Variants in NDST4 observed in about 807,000 individuals in gnomAD.
The protein encoded by NDST4 is N-deacetylase and N-sulfotransferase 4.
Under a neutral mutation model 100.8 loss-of-function variants are expected in NDST4, and 63 were observed. That is an observed-to-expected ratio of 0.62 (90% CI 0.51 to 0.77). The LOEUF (loss-of-function observed/expected upper bound fraction) is 0.77. Ranked by LOEUF, NDST4 falls within the 30% of genes least tolerant of loss-of-function variation. The pLI, the probability that NDST4 is intolerant of heterozygous loss-of-function variation, is 0.00. For synonymous variants in NDST4, 377 were observed against 361.8 expected (o/e 1.04, Z -0.48); for missense variants, 943 against 1,018.4 (o/e 0.93, Z 1.01).
chr4:114,865,561 T>C (rs141173198), intron 7 of NDST4, among the ~76,000 whole-genome samples: 1 of 152,226 alleles, frequency 6.6e-6, no homozygotes, highest in Admixed American at 6.5e-5. Flanking sequence ...AATGTTTCTG[T>C]AAGGCACAAA....
chr4:115,076,158 C>A lies in NDST4; in HGVS notation c.879G>T (p.Gly293=). ...IFIDAISFLS[G]KRLTLSLDRY... is the part of the protein sequence containing the mutation. ...TGTCCAAGGACAATGTCAGCCTCTT[C>A]CCTGACAAGAAGGAGATGGCATCTA... is the stretch of plus-strand genomic sequence containing the variant. Residue 293 remains glycine (G), a synonymous_variant, in exon 2 of 14, where the codon GGG becomes GGT. Transcript: ENST00000264363. 6.2e-7 allele frequency: 1 copy of A among 1,613,934 alleles called. No individual in the cohort carries two copies. The highest frequency in any genetic ancestry group is 8.5e-7 in the Non-Finnish European group (1 of 1,179,914).
At chr4:114,893,932 G>A (rs1724656005) in intron 6 of NDST4, among the ~76,000 whole-genome samples, 1 of 152,078 alleles carries the variant, frequency 6.6e-6, no homozygotes, top group Non-Finnish European at 1.5e-5. Context: ...GTAAGGAAGG[G>A]GTCCAGTTTC....
chr4:114,957,700 AAATT>A (rs1349176351), intron 4 of NDST4, among the ~76,000 whole-genome samples: 1 of 152,206 alleles, frequency 6.6e-6, no homozygotes. Flanking sequence ...AATCAAAAGC[AAATT>A]ATTTACTTCT....
At chr4:114,947,579 T>C (rs77587849) in intron 4 of NDST4, among the ~76,000 whole-genome samples, 2,823 of 152,214 alleles carry the variant, frequency 0.019, 81 homozygotes, top group African/African-American at 0.063. Flanking sequence ...ACATTCAAAA[T>C]TCTTCAACGT....
chr4:115,048,082 A>G (rs1212617387), intron 2 of NDST4, among the ~76,000 whole-genome samples: 2 of 148,704 alleles, frequency 1.3e-5, no homozygotes, highest in Non-Finnish European at 2.9e-5. Context: ...CCTCTTATAC[A>G]GCAGGAAGTT....
intron 6 of NDST4, among the ~76,000 whole-genome samples, chr4:114,880,661 A>G (rs1724348174): frequency 6.6e-6 from 1 of 152,200 alleles, no homozygotes; most frequent in Non-Finnish European, 1.5e-5. Context: ...CTGGCAGTCT[A>G]TTAGAAACTA....
At chr4:115,059,004 C>CACAG (rs540339968) in intron 2 of NDST4, among the ~76,000 whole-genome samples, 28 of 151,776 alleles carry the variant, frequency 1.8e-4, no homozygotes, top group African/African-American at 6.3e-4. Context: ...CACACACACA[C>CACAG]GCTCAAAATT....
chr4:114,908,042 C>A (rs1295239833), intron 6 of NDST4, among the ~76,000 whole-genome samples: 1 of 152,158 alleles, frequency 6.6e-6, no homozygotes, highest in Non-Finnish European at 1.5e-5. Flanking sequence ...TCCCTGGTGG[C>A]AGTGTTAAAA....
intron 2 of NDST4, among the ~76,000 whole-genome samples, chr4:115,017,613 G>C (rs1727706454): frequency 6.6e-6 from 1 of 151,978 alleles, no homozygotes; most frequent in Non-Finnish European, 1.5e-5. Flanking sequence ...CTTTGCCATA[G>C]AATTCACTAT....
intron 6 of NDST4, among the ~76,000 whole-genome samples, chr4:114,895,081 G>C (rs1322615941): frequency 6.6e-6 from 1 of 152,092 alleles, no homozygotes; most frequent in Non-Finnish European, 1.5e-5. Context: ...AAAAGAGCTA[G>C]AGAAGCAAGA....
intron 6 of NDST4, among the ~76,000 whole-genome samples, chr4:114,892,311 T>C (rs1724615529): frequency 6.6e-6 from 1 of 152,162 alleles, no homozygotes; most frequent in Non-Finnish European, 1.5e-5. Flanking sequence ...TGCTTTTAGC[T>C]TGCTTATATT....
At chr4:115,102,468 T>C in intron 1 of NDST4, among the ~76,000 whole-genome samples, 1 of 152,064 alleles carries the variant, frequency 6.6e-6, no homozygotes, top group Middle Eastern at 3.4e-3. Context: ...TTTTCCATTA[T>C]TTTTTAATGT....
At chr4:114,994,000 C>T (rs368395319) in intron 2 of NDST4, among the ~76,000 whole-genome samples, 1 of 151,836 alleles carries the variant, frequency 6.6e-6, no homozygotes, top group African/African-American at 2.4e-5. Flanking sequence ...ACATTGATGC[C>T]ATATTGTTAA....
intron 10 of NDST4, among the ~76,000 whole-genome samples, chr4:114,841,705 T>C (rs1418532339): frequency 6.6e-6 from 1 of 152,184 alleles, no homozygotes; most frequent in East Asian, 1.9e-4. Flanking sequence ...TTTGGTATAC[T>C]GAAAAAATAA....
Position 114,870,854 on chromosome 4 carries a change from T to C in NDST4, c.1633A>G (p.Asn545Asp), listed in dbSNP as rs1262705773. The C allele has an allele frequency of 6.2e-7, 1 of 1,613,050 alleles. No homozygotes were observed. The highest frequency in any genetic ancestry group is 8.5e-7 in the Non-Finnish European group (1 of 1,179,400). Residue 545 changes from asparagine (N) to aspartate (D), a missense_variant, in exon 7 of 14, where the codon AAC becomes GAC. Coordinates refer to ENST00000264363, the MANE Select transcript of NDST4 (RefSeq NM_022569.3). Reference protein sequence around the residue: ...NLVNFVQSWTNLKLQTLPPVQ... With the variant: ...NLVNFVQSWTDLKLQTLPPVQ... Reference sequence around the variant, plus strand: ...GGAGGCAGAGTTTGCAATTTCAGGTTGGTCCAGCTCTGCACAAAGTTGACC... The same window carrying C: ...GGAGGCAGAGTTTGCAATTTCAGGTCGGTCCAGCTCTGCACAAAGTTGACC...
intron 6 of NDST4, among the ~76,000 whole-genome samples, chr4:114,882,779 G>A (rs994529831): frequency 1.3e-5 from 2 of 151,750 alleles, no homozygotes; most frequent in Non-Finnish European, 2.9e-5. Flanking sequence ...GGAACATCAA[G>A]CAGGATAAGT....
intron 5 of NDST4, 62 bp downstream of exon 5, chr4:114,937,256 T>C: frequency 2.6e-6 from 4 of 1,561,592 alleles, no homozygotes; most frequent in Non-Finnish European, 3.5e-6. Context: ...GAAATGGCCC[T>C]CTGTCTTCAT....
intron 2 of NDST4, among the ~76,000 whole-genome samples, chr4:115,061,630 G>A (rs1728824971): frequency 6.6e-6 from 1 of 151,828 alleles, no homozygotes; most frequent in Non-Finnish European, 1.5e-5. Context: ...TCGGGGGTGA[G>A]GGGCAAGGGG....
intron 2 of NDST4, among the ~76,000 whole-genome samples, chr4:114,987,297 G>T (rs891166240): frequency 6.6e-6 from 1 of 152,086 alleles, no homozygotes; most frequent in Non-Finnish European, 1.5e-5. Context: ...TGAGAACTGG[G>T]TCCAAGTTCT....
Sources: allele counts gnomAD v4.1 joint callset (sites outside exome capture counted in the v4.1 genomes callset), GRCh38; gene constraint gnomAD v4.1.1; transcripts MANE v1.5; gene names NCBI Gene and HGNC (gene_info 2026-07-23, HGNC 2026-07-21).